Variants in PROS1 observed in about 807,000 individuals in gnomAD.
The protein encoded by PROS1 is protein S, also known as vitamin K-dependent protein S.
PROS1 carries 29 observed loss-of-function variants against 75.9 expected under a neutral mutation model. That is an observed-to-expected ratio of 0.38 (90% confidence interval 0.28 to 0.52). The LOEUF (loss-of-function observed/expected upper bound fraction) is 0.52. Among genes scored for constraint, PROS1 ranks in the 20% least tolerant of loss-of-function variants. The pLI is 0.83. For missense variants in PROS1, 680 were observed against 810.3 expected (o/e 0.84, Z 1.95); for synonymous variants, 245 against 280.6 (o/e 0.87, Z 1.27).
intron 11 of PROS1, 82 bp downstream of exon 11, chr3:93,886,254 A>T: frequency 2.3e-6 from 3 of 1,309,976 alleles, no homozygotes; most frequent in Non-Finnish European, 2.2e-6. Flanking sequence ...ACTTCTATTG[A>T]TTCTCAGAAA....
At chr3:93,912,532 G>A (rs1452449927) in intron 3 of PROS1, among the ~76,000 whole-genome samples, 1 of 152,148 alleles carries the variant, frequency 6.6e-6, no homozygotes, top group Non-Finnish European at 1.5e-5. Context: ...TCCCAAATAA[G>A]TCTTACCTTA....
intron 13 of PROS1, among the ~76,000 whole-genome samples, chr3:93,878,235 A>G (rs1329732418): frequency 6.6e-6 from 1 of 152,158 alleles, no homozygotes; most frequent in African/African-American, 2.4e-5. Context: ...CAAACAAAAA[A>G]CCCCTGAAAT....
At chr3:93,899,962 A>G (rs558172240) in intron 7 of PROS1, among the ~76,000 whole-genome samples, 2 of 152,304 alleles carry the variant, frequency 1.3e-5, no homozygotes, top group African/African-American at 2.4e-5. Context: ...CCCTAAATCT[A>G]TTTTTTAAAA....
At chr3:93,903,792 A>G (rs1015535222) in intron 6 of PROS1, among the ~76,000 whole-genome samples, 2 of 152,160 alleles carry the variant, frequency 1.3e-5, no homozygotes, top group African/African-American at 2.4e-5. Flanking sequence ...TGGTTTTTCT[A>G]TCACTCATGT....
At chr3:93,944,688 C>T (rs1239365680) in intron 1 of PROS1, among the ~76,000 whole-genome samples, 5 of 152,024 alleles carry the variant, frequency 3.3e-5, no homozygotes, top group Admixed American at 3.3e-4. Context: ...GCACTAAATG[C>T]CCACAAGAGA....
At chr3:93,952,837 C>T (rs1042226345) in intron 1 of PROS1, among the ~76,000 whole-genome samples, 1 of 151,824 alleles carries the variant, frequency 6.6e-6, no homozygotes, top group African/African-American at 2.4e-5. Flanking sequence ...ACTAGTGAGA[C>T]TAATAAAGAA....
intron 10 of PROS1, among the ~76,000 whole-genome samples, chr3:93,889,304 G>A (rs1270756899): frequency 6.6e-6 from 1 of 152,014 alleles, no homozygotes; most frequent in African/African-American, 2.4e-5. Flanking sequence ...AGCTCCATAA[G>A]AGCACTGACT....
At chr3:93,958,281 GGTT>G (rs974608400) in intron 1 of PROS1, among the ~76,000 whole-genome samples, 1 of 151,980 alleles carries the variant, frequency 6.6e-6, no homozygotes, top group African/African-American at 2.4e-5. Flanking sequence ...TCATCGCAAA[GGTT>G]GTTTTCTTTT....
chr3:93,901,373 C>G (rs192814448), intron 6 of PROS1, among the ~76,000 whole-genome samples: 1 of 152,242 alleles, frequency 6.6e-6, no homozygotes, highest in Admixed American at 6.5e-5. Flanking sequence ...AATAGTGATT[C>G]AAATTTAAAA....
rs1559933915 is a variant in PROS1, at chr3:93,900,839, C to T, written c.692G>A (p.Gly231Asp). 1.2e-6 allele frequency: 2 copies of T among 1,613,782 alleles called. No homozygotes were observed. The highest frequency in any genetic ancestry group is 1.7e-6 in the Non-Finnish European group (2 of 1,179,936). The change falls in exon 7 of 15, where the codon GGC becomes GAC. Residue 231 changes from glycine (G) to aspartate (D), a missense_variant. Transcript: ENST00000394236. ...CTTTGATTTGAGATTATATCTGTAGCCTTCGGGGCATTCACATTCAAAATC... is the reference window on the plus strand; with the variant it reads ...CTTTGATTTGAGATTATATCTGTAGTCTTCGGGGCATTCACATTCAAAATC... ...PGDFECECPE[G>D]YRYNLKSKSC...
intron 1 of PROS1, among the ~76,000 whole-genome samples, chr3:93,970,637 C>T (rs1269648987): frequency 6.6e-6 from 1 of 152,034 alleles, no homozygotes; most frequent in Non-Finnish European, 1.5e-5. Context: ...GCGGCTATGA[C>T]CGGGTGACAG....
chr3:93,923,980 T>G (rs1708981611), intron 3 of PROS1, among the ~76,000 whole-genome samples: 1 of 151,196 alleles, frequency 6.6e-6, no homozygotes, highest in Non-Finnish European at 1.5e-5. Flanking sequence ...TAACTGAGCA[T>G]CAGCCCAAGA....
chr3:93,955,040 C>G (rs772759851), intron 1 of PROS1, among the ~76,000 whole-genome samples: 6 of 152,184 alleles, frequency 3.9e-5, no homozygotes, highest in Non-Finnish European at 8.8e-5. Context: ...CATCTCTCAC[C>G]AGTTAGAATG....
chr3:93,915,673 T>G (rs1352323295), intron 3 of PROS1, among the ~76,000 whole-genome samples: 2 of 152,194 alleles, frequency 1.3e-5, no homozygotes, highest in Non-Finnish European at 2.9e-5. Flanking sequence ...CTCATTTCCA[T>G]CTAGGATCTC....
At chr3:93,875,404 C>T (rs1024312582) in intron 14 of PROS1, among the ~76,000 whole-genome samples, 3 of 152,094 alleles carry the variant, frequency 2.0e-5, no homozygotes, top group African/African-American at 7.2e-5. Context: ...CTCTTTCTCT[C>T]AAGACATTTT....
intron 1 of PROS1, among the ~76,000 whole-genome samples, chr3:93,944,197 T>C (rs560706127): frequency 2.0e-5 from 3 of 150,272 alleles, no homozygotes; most frequent in East Asian, 3.9e-4. Context: ...ACCAGATAAA[T>C]ACATAAAACA....
intron 10 of PROS1, among the ~76,000 whole-genome samples, chr3:93,891,156 G>A (rs1329247262): frequency 6.6e-6 from 1 of 151,964 alleles, no homozygotes; most frequent in Admixed American, 6.6e-5. Context: ...TAAATAAATT[G>A]AGATCAGCAC....
intron 3 of PROS1, among the ~76,000 whole-genome samples, chr3:93,912,510 G>A (rs1379478315): frequency 6.6e-6 from 1 of 152,164 alleles, no homozygotes; most frequent in Admixed American, 6.6e-5. Context: ...ACCATGGTGA[G>A]ATAGAATATT....
Position 93,876,991 on chromosome 3 carries a change from C to T in PROS1, c.1845G>A (p.Val615=). Reference sequence around the variant, plus strand: ...CTGGAAGGCCACCCAGGTATGTGGCCACTTTTGCTTTCATTGCTTTGTCCA... The same window carrying T: ...CTGGAAGGCCACCCAGGTATGTGGCTACTTTTGCTTTCATTGCTTTGTCCA... ...AVLDKAMKAK[V]ATYLGGLPDV... Residue 615 remains valine, a synonymous_variant, in exon 14 of 15, where the codon GTG becomes GTA. Coordinates refer to ENST00000394236, the MANE Select transcript of PROS1 (RefSeq NM_000313.4). 6.2e-7 allele frequency: 1 copy of T among 1,611,174 alleles called. No individual in the cohort carries two copies. The highest frequency in any genetic ancestry group is 1.1e-5 in the South Asian group (1 of 90,738).
Sources: gnomAD v4.1 joint callset for allele counts (sites outside exome capture counted in the v4.1 genomes callset) on GRCh38, gnomAD v4.1.1 for gene constraint, MANE v1.5 for transcripts, NCBI Gene and HGNC (gene_info 2026-07-23, HGNC 2026-07-21) for gene names.